Variants in CCDC158 observed in about 807,000 individuals in gnomAD.
CCDC158 encodes the protein coiled-coil domain-containing protein 158.
In CCDC158, 116 loss-of-function variants were observed where a neutral mutation model predicts 138.6. The observed-to-expected ratio is 0.84, with a 90% confidence interval of 0.72 to 0.98. The LOEUF (loss-of-function observed/expected upper bound fraction) is 0.98. Ranked by LOEUF, CCDC158 falls within the 50% of genes least tolerant of loss-of-function variation. The probability of loss-of-function intolerance (pLI) is 0.00; values close to 1 mark genes in which losing one functional copy is unlikely to be tolerated. For synonymous variants in CCDC158, 436 were observed against 442.4 expected (o/e 0.99, Z 0.18); for missense variants, 1,265 against 1,306.1 (o/e 0.97, Z 0.48).
Position 76,369,614 on chromosome 4 carries a change from G to A in CCDC158, c.1159C>T (p.His387Tyr). 1 of 1,613,892 alleles carries A rather than the reference G, an allele frequency of 6.2e-7. No homozygotes were observed. The highest frequency in any genetic ancestry group is 8.5e-7 in the Non-Finnish European group (1 of 1,179,902). Residue 387 changes from histidine (H) to tyrosine (Y), a missense_variant, in exon 11 of 25, where the codon CAC (histidine) becomes TAC (tyrosine). His to Tyr is a moderately conservative substitution (Grantham distance 83, BLOSUM62 2). Transcript: ENST00000682701. Reference sequence around the variant, plus strand: ...AGACTCAGCTCCTTCTCCCTTTTGTGTAGATCAGCCTAAAAAAAGAGAGGA... The same window carrying A: ...AGACTCAGCTCCTTCTCCCTTTTGTATAGATCAGCCTAAAAAAAGAGAGGA... The part of the protein sequence containing the change: ...DQLQKLLADL[H>Y]KREKELSLEK...
chr4:76,394,462 G>C (rs952560936), intron 4 of CCDC158, among the ~76,000 whole-genome samples: 1 of 152,004 alleles, frequency 6.6e-6, no homozygotes, highest in Admixed American at 6.6e-5. Context: ...GAGAGTAGAG[G>C]GATGGTTACC....
chr4:76,409,910 CAA>C (rs113239882), intron 2 of CCDC158, among the ~76,000 whole-genome samples: 215 of 140,598 alleles, frequency 1.5e-3, no homozygotes, highest in African/African-American at 5.4e-3. Context: ...GGAATGTTGC[CAA>C]AAAAAAAAAG....
chr4:76,328,468 G>A (rs1345942361), intron 22 of CCDC158, among the ~76,000 whole-genome samples: 1 of 152,194 alleles, frequency 6.6e-6, no homozygotes. Flanking sequence ...TTTACTTTTA[G>A]AGACAGGGTT....
chr4:76,332,530 C>A, intron 19 of CCDC158, 39 bp from the exon 20 acceptor site: 3 of 1,441,980 alleles, frequency 2.1e-6, no homozygotes, highest in Non-Finnish European at 2.9e-6. Context: ...TCATATAAAG[C>A]ACAATTTCAT....
intron 21 of CCDC158, among the ~76,000 whole-genome samples, chr4:76,330,527 A>C (rs1292455458): frequency 6.6e-6 from 1 of 152,178 alleles, no homozygotes; most frequent in African/African-American, 2.4e-5. Context: ...AAAGATTTAC[A>C]CTTGGCTAGT....
intron 2 of CCDC158, among the ~76,000 whole-genome samples, chr4:76,410,765 G>A (rs1729230466): frequency 2.0e-5 from 3 of 152,194 alleles, no homozygotes; most frequent in Admixed American, 2.0e-4. Context: ...ATGTTGAACA[G>A]TATTGTACTA....
chr4:76,400,599 C>T (rs1191503769), intron 3 of CCDC158, among the ~76,000 whole-genome samples: 6 of 147,904 alleles, frequency 4.1e-5, no homozygotes, highest in Non-Finnish European at 7.4e-5. Context: ...TACCCACCCA[C>T]CACCCCCCCA....
chr4:76,317,558 C>T (rs1469293649), intron 24 of CCDC158, among the ~76,000 whole-genome samples: 1 of 152,038 alleles, frequency 6.6e-6, no homozygotes, highest in Non-Finnish European at 1.5e-5. Flanking sequence ...TCCACTGATA[C>T]CACTAGACAG....
At chr4:76,353,500 G>C (rs978091762) in intron 15 of CCDC158, among the ~76,000 whole-genome samples, 1 of 151,972 alleles carries the variant, frequency 6.6e-6, no homozygotes, top group Non-Finnish European at 1.5e-5. Flanking sequence ...CTTCTTTCTA[G>C]TCTTAATAAA....
intron 11 of CCDC158, 78 bp downstream of exon 11, chr4:76,369,348 A>T: frequency 8.0e-6 from 11 of 1,372,448 alleles, no homozygotes; most frequent in Non-Finnish European, 1.1e-5. Flanking sequence ...TAAAAATAAA[A>T]AGCTCTATTT....
chr4:76,379,615 A>C (rs1478906583), intron 8 of CCDC158, among the ~76,000 whole-genome samples: 4 of 152,218 alleles, frequency 2.6e-5, no homozygotes, highest in African/African-American at 4.8e-5. Context: ...ATGGGAGTGC[A>C]TTACACTATT....
In CCDC158 at chr4:76,328,919, G is replaced by A. The variant is rs1275030145; in HGVS notation, c.2991C>T (p.Cys997=). ...ACTCACCTGCAGATGTGAATGTGAAGCAACCAGAGGGATCTTCCCTGTCTC... is the reference window on the plus strand; with the variant it reads ...ACTCACCTGCAGATGTGAATGTGAAACAACCAGAGGGATCTTCCCTGTCTC... ...HAGDREDPSG[C]FTFTSAASPS... Residue 997 remains cysteine, a synonymous_variant, in exon 22 of 25, where the codon TGC becomes TGT. Transcript: ENST00000682701. 1 of 1,613,892 alleles carries A rather than the reference G, an allele frequency of 6.2e-7. No individual in the cohort carries two copies. The highest frequency in any genetic ancestry group is 8.5e-7 in the Non-Finnish European group (1 of 1,179,752).
At chr4:76,354,830 C>A (rs1315276214) in intron 15 of CCDC158, among the ~76,000 whole-genome samples, 1 of 152,194 alleles carries the variant, frequency 6.6e-6, no homozygotes, top group Non-Finnish European at 1.5e-5. Flanking sequence ...AAGAAAACTT[C>A]AGGTCATTTT....
At chr4:76,326,071 T>C (rs1578868719) in intron 22 of CCDC158, 56 bp from the exon 23 acceptor site, 1 of 1,387,738 alleles carries the variant, frequency 7.2e-7, no homozygotes, top group East Asian at 2.3e-5. Context: ...AATAGCAAAC[T>C]GCACCTCTCA....
rs183278785 is a variant in CCDC158, at chr4:76,351,773, G to T, written c.2485C>A (p.Arg829Ser). ...AAGCGCACTGATTCTTGCTCCTGAC[G>T]CTGTATTATATCTTGACATTCTGCA... ...QFAECQDIIQRQEQESVRLKL... is the reference protein window; with the variant it reads ...QFAECQDIIQSQEQESVRLKL... The change falls in exon 17 of 25, where the codon CGT becomes AGT. Residue 829 changes from arginine to serine, a missense_variant. Physicochemically the swap from Arg to Ser is moderately radical, Grantham distance 110. Transcript: ENST00000682701. The T allele has an allele frequency of 6.2e-7, 1 of 1,612,754 alleles. No individual in the cohort carries two copies. Among genetic ancestry groups the T allele is most frequent in the Admixed American group, 1.7e-5 (1 of 59,970 alleles).
chr4:76,363,131 T>C (rs2110218655), intron 12 of CCDC158, among the ~76,000 whole-genome samples: 1 of 152,308 alleles, frequency 6.6e-6, no homozygotes, highest in Admixed American at 6.5e-5. Context: ...GCTGAACCCC[T>C]GCTTTCCTTC....
intron 13 of CCDC158, among the ~76,000 whole-genome samples, chr4:76,358,909 C>T (rs1431670058): frequency 6.6e-6 from 1 of 152,156 alleles, no homozygotes; most frequent in Non-Finnish European, 1.5e-5. Flanking sequence ...TACTTCATAC[C>T]ATACTAATAT....
In CCDC158 at chr4:76,362,210, G is replaced by A. The variant is rs563670831; in HGVS notation, c.1936C>T (p.Arg646Cys). 5.6e-6 allele frequency: 9 copies of A among 1,614,008 alleles called. No individual in the cohort carries two copies. The highest frequency in any genetic ancestry group is 2.7e-5 in the African/African-American group (2 of 74,998). The change falls in exon 13 of 25, where the codon CGT (arginine) becomes TGT (cysteine). Residue 646 changes from arginine (R) to cysteine (C), a missense_variant. By Grantham distance (180) the Arg-to-Cys change is radical (BLOSUM62 -3). Coordinates refer to ENST00000682701, the MANE Select transcript of CCDC158 (RefSeq NM_001394954.1). ...KLVNAGSERL[R>C]AVKDIKQERD... The stretch of plus-strand genomic sequence containing the variant: ...TCTTGTTTGATGTCCTTCACTGCAC[G>A]GAGCCGCTCAGAGCCTGCATTCACC...
chr4:76,342,402 C>G (rs1023799238), intron 18 of CCDC158, among the ~76,000 whole-genome samples: 3 of 152,100 alleles, frequency 2.0e-5, no homozygotes, highest in Admixed American at 6.6e-5. Context: ...AGCCTCATTT[C>G]CCCTGTCTGT....
Sources: allele counts gnomAD v4.1 joint callset (sites outside exome capture counted in the v4.1 genomes callset), GRCh38; gene constraint gnomAD v4.1.1; transcripts MANE v1.5; gene names NCBI Gene and HGNC (gene_info 2026-07-23, HGNC 2026-07-21).